TTLL3: variants seen among roughly 807,000 people sequenced by gnomAD.
TTLL3 encodes the protein tubulin tyrosine ligase like 3.
TTLL3 carries 63 observed loss-of-function variants against 75.2 expected under a neutral mutation model. The ratio of observed to expected loss-of-function variants is 0.84; its 90% CI spans 0.68 to 1.03. The LOEUF is 1.03. Ranked by LOEUF, TTLL3 falls within the 50% of genes least tolerant of loss-of-function variation. TTLL3 has a pLI of 0.00. For synonymous variants in TTLL3, 393 were observed against 418.5 expected (o/e 0.94, Z 0.74); for missense variants, 997 against 1,069.9 (o/e 0.93, Z 0.95).
At position 9,818,834 on chromosome 3, in the gene TTLL3, T is replaced by C; in HGVS notation, c.572T>C (p.Leu191Pro). 6.2e-7 allele frequency: 1 copy of C among 1,614,134 alleles called. No individual in the cohort carries two copies. Among genetic ancestry groups the C allele is most frequent in the Non-Finnish European group, 8.5e-7 (1 of 1,179,998 alleles). The part of the protein sequence containing the change: ...DKKAFIEDFW[L>P]TAARNVLKLV... ...GGCCTGGGAGCAGAGGACTTCTGGCTGACTGCTGCCCGCAACGTTCTCAAG... is the reference window on the plus strand; with the variant it reads ...GGCCTGGGAGCAGAGGACTTCTGGCCGACTGCTGCCCGCAACGTTCTCAAG... The change falls in exon 7 of 14, where the codon CTG becomes CCG. Residue 191 changes from leucine (L) to proline (P), a missense_variant. Coordinates refer to ENST00000685419, the MANE Select transcript of TTLL3 (RefSeq NM_001387446.1).
chr3:9,836,296 A>G lies in TTLL3; in HGVS notation c.*807A>G, dbSNP rs944833449. 6.6e-5 allele frequency: 10 copies of G among 151,434 alleles called. No individual in the cohort carries two copies. Among genetic ancestry groups the G allele is most frequent in the Non-Finnish European group, 8.8e-5 (6 of 67,926 alleles). The allele number at this position is 151,434 out of a possible 1,614,324, so 9.4% of individuals were successfully genotyped here. ...AGCCTGGGAGACAGAGTGAAACCCTAAATCAAAAAAAAAAAAAAAGGTCTT... is the reference window on the plus strand; with the variant it reads ...AGCCTGGGAGACAGAGTGAAACCCTGAATCAAAAAAAAAAAAAAAGGTCTT... On this transcript the variant is annotated 3_prime_UTR_variant, in exon 14 of 14. Transcript: ENST00000685419.
In TTLL3 at chr3:9,820,533, T is replaced by G. The variant is rs2080314374; in HGVS notation, c.659-13T>G. 1.6e-5 allele frequency: 26 copies of G among 1,613,380 alleles called. No individual in the cohort carries two copies. The East Asian group carries it at 5.8e-4, about 36-fold the overall frequency. ...TTGATATGGGATCGTGACAGGCCCC[T>G]CCCTATGTGCAGGAGACAAGCAGCC... is the stretch of plus-strand genomic sequence containing the variant. On this transcript the variant is annotated splice_polypyrimidine_tract_variant and intron_variant, in intron 7 of 13. Coordinates refer to ENST00000685419, the MANE Select transcript of TTLL3 (RefSeq NM_001387446.1).
intron 2 of TTLL3, among the ~76,000 whole-genome samples, chr3:9,812,594 C>T (rs569814658): frequency 6.6e-6 from 1 of 152,118 alleles, no homozygotes; most frequent in Non-Finnish European, 1.5e-5. Context: ...ATCGCTTGAA[C>T]CCAGGAGGAA....
At chr3:9,817,870 C>G in intron 6 of TTLL3, 111 bp downstream of exon 6, 1 of 1,377,870 alleles carries the variant, frequency 7.3e-7, no homozygotes, top group Non-Finnish European at 9.9e-7. Flanking sequence ...ATCTGCCTGC[C>G]CCAGCAGATT....
rs374798950 is a variant in TTLL3 at position 9,834,683 on chromosome 3, C to G, written c.1828C>G (p.Arg610Gly). 2 of 1,614,002 alleles carry G rather than the reference C, an allele frequency of 1.2e-6. No homozygotes were observed. The highest frequency in any genetic ancestry group is 2.7e-5 in the African/African-American group (2 of 74,918). ...CACAGCTTCTCTTGCTCCCACAGCC[C>G]GTCACCACTTCCCCAGCCTCCACAC... The part of the protein sequence containing the change: ...LLTQRGSGEA[R>G]HHFPSLHTKA... Residue 610 changes from arginine to glycine, a missense_variant and splice_region_variant, in exon 13 of 14, where the codon CGT (arginine) becomes GGT (glycine). Coordinates refer to ENST00000685419, the MANE Select transcript of TTLL3 (RefSeq NM_001387446.1).
chr3:9,818,557 A>T (rs1310492891), intron 6 of TTLL3: 13 of 830,820 alleles, frequency 1.6e-5, no homozygotes, highest in African/African-American at 3.6e-5. Context: ...TTTAGTAGAG[A>T]CGGGGTTTCA....
chr3:9,817,349 G>A (rs148903839), intron 5 of TTLL3: 25,054 of 816,652 alleles, frequency 0.031, 490 homozygotes, highest in African/African-American at 0.08. Context: ...GTGTGAACCC[G>A]GGAGGCAGAG....
chr3:9,812,638 C>T (rs971366105), intron 2 of TTLL3: 3 of 194,224 alleles, frequency 1.5e-5, no homozygotes, highest in Non-Finnish European at 2.1e-5. Flanking sequence ...TGCCACTACA[C>T]TTCAGCCTGG....
At chr3:9,830,999 C>T (rs2081471613) in intron 11 of TTLL3, among the ~76,000 whole-genome samples, 1 of 152,088 alleles carries the variant, frequency 6.6e-6, no homozygotes, top group African/African-American at 2.4e-5. Context: ...GATGGGGTTT[C>T]ACCATGTTAG....
At chr3:9,809,915 G>A (rs898250086), upstream of TTLL3, 12 of 514,136 alleles carry the variant, frequency 2.3e-5, no homozygotes, top group Non-Finnish European at 2.9e-5. Flanking sequence ...GACAAGGCTC[G>A]AGCCTAGGCA....
At chr3:9,811,866 G>C (rs2079385112) in intron 2 of TTLL3, among the ~76,000 whole-genome samples, 1 of 152,148 alleles carries the variant, frequency 6.6e-6, no homozygotes, top group Admixed American at 6.6e-5. Context: ...TCCCAGCTCT[G>C]TACATTCATG....
At chr3:9,832,034 G>A (rs1002791501) in intron 11 of TTLL3, among the ~76,000 whole-genome samples, 8 of 147,054 alleles carry the variant, frequency 5.4e-5, no homozygotes, top group East Asian at 2.0e-4. Flanking sequence ...CAGCTGATCC[G>A]CCTGTCTTGG....
chr3:9,823,407 T>G (rs71314366), intron 8 of TTLL3, among the ~76,000 whole-genome samples: 4,219 of 150,526 alleles, frequency 0.028, 105 homozygotes, highest in East Asian at 0.1. Flanking sequence ...AGCCAGTTTT[T>G]TTTTTTTTTT....
intron 7 of TTLL3, chr3:9,819,577 A>G (rs1015916032): frequency 2.3e-5 from 23 of 985,720 alleles, no homozygotes; most frequent in African/African-American, 1.6e-4. Flanking sequence ...GCCTGAACAT[A>G]AGGAACAGCT....
rs2080713427 is a variant in TTLL3 at position 9,823,489 on chromosome 3, G to A, written c.855-2311G>A. ...CAGGCTGACTTTTCATTAAAATACT[G>A]TTTTTTTTTTCTTTTTGCTAACTAT... On this transcript the variant is annotated intron_variant, in intron 8 of 13. Transcript: ENST00000685419. Among the ~76,000 whole-genome samples, 3 of 144,238 alleles carry A rather than the reference G, an allele frequency of 2.1e-5. No individual in the cohort carries two copies. The East Asian group carries it at 6.0e-4, about 29-fold the overall frequency. The allele number at this position is 144,238 out of a possible 152,430, so 94.6% of individuals were successfully genotyped here.
chr3:9,815,968 C>G, intron 4 of TTLL3, 106 bp from the exon 5 acceptor site: 1 of 1,125,820 alleles, frequency 8.9e-7, no homozygotes, highest in South Asian at 1.5e-5. Flanking sequence ...TGGAAGCATC[C>G]TCTCCTTCCT....
In TTLL3 at chr3:9,810,438, G is replaced by A. The variant is rs180947801; in HGVS notation, c.-42+44G>A. ...GCTCGCTCTGGCCTACAGCGGCTGC[G>A]AGGACGACAAGACGCTGGGGTGGAG... On this transcript the variant is annotated intron_variant, in intron 1 of 13. Coordinates refer to ENST00000685419, the MANE Select transcript of TTLL3 (RefSeq NM_001387446.1). This position sits in a 1 kb window ranked among gnomAD's most constrained non-coding sequence, Gnocchi z 4.4. 1.4e-3 allele frequency: 1,967 copies of A among 1,425,492 alleles called. 21 individuals carry two copies. In the African/African-American group the frequency reaches 0.026, roughly 19 times the overall value. The allele number at this position is 1,425,492 out of a possible 1,614,324, so 88.3% of individuals were successfully genotyped here.
chr3:9,810,764 C>A lies in TTLL3; in HGVS notation c.48+55C>A. 6.8e-7 allele frequency: 1 copy of A among 1,466,862 alleles called. No homozygotes were observed. The highest frequency in any genetic ancestry group is 9.2e-7 in the Non-Finnish European group (1 of 1,089,076). The allele number at this position is 1,466,862 out of a possible 1,614,324, so 90.9% of individuals were successfully genotyped here. ...GGGCCCTGGGAGCGGCTCAGCCTGT[C>A]TCCCTGCGCTGTTTTCTTATATCCT... On this transcript the variant is annotated intron_variant, in intron 2 of 13. Transcript: ENST00000685419. The surrounding 1 kb of genome is among the most constrained non-coding windows in gnomAD (Gnocchi z 4.4).
chr3:9,825,144 A>G (rs2080900750), intron 8 of TTLL3, among the ~76,000 whole-genome samples: 1 of 152,100 alleles, frequency 6.6e-6, no homozygotes, highest in Non-Finnish European at 1.5e-5. Context: ...TGAGGCCAGG[A>G]GTTCAAGACT....
Sources: gnomAD v4.1 joint callset for allele counts (sites outside exome capture counted in the v4.1 genomes callset) on GRCh38, gnomAD v4.1.1 for gene constraint, Gnocchi (gnomAD v3.1) non-coding constraint, MANE v1.5 for transcripts, NCBI Gene and HGNC (gene_info 2026-07-23, HGNC 2026-07-21) for gene names.